Variants in ANKRD28 observed in about 807,000 individuals in gnomAD.
ANKRD28 encodes the protein ankyrin repeat domain 28, also known as serine/threonine-protein phosphatase 6 regulatory ankyrin repeat subunit A.
In ANKRD28, 44 loss-of-function variants were observed where a neutral mutation model predicts 126.5. The ratio of observed to expected loss-of-function variants is 0.35; its 90% CI spans 0.27 to 0.45. ANKRD28 has a LOEUF of 0.45. ANKRD28 is among the 20% of genes least tolerant of loss of function. The pLI, the probability that ANKRD28 is intolerant of heterozygous loss-of-function variation, is 1.00. For missense variants in ANKRD28, 1,110 were observed against 1,316.6 expected (o/e 0.84, Z 2.43); for synonymous variants, 442 against 468.5 (o/e 0.94, Z 0.73).
chr3:15,741,791 A>G (rs550525676), intron 4 of ANKRD28, among the ~76,000 whole-genome samples: 1 of 133,724 alleles, frequency 7.5e-6, no homozygotes, highest in Non-Finnish European at 1.5e-5. Flanking sequence ...AGGGCTTAAC[A>G]TATTTGCAGG....
intron 8 of ANKRD28, among the ~76,000 whole-genome samples, chr3:15,716,450 C>A (rs1445109517): frequency 6.6e-6 from 1 of 151,776 alleles, no homozygotes; most frequent in Non-Finnish European, 1.5e-5. Flanking sequence ...TAACATTACA[C>A]CTGGCTAATT....
At chr3:15,672,455 T>C (rs1035311115) in intron 27 of ANKRD28, among the ~76,000 whole-genome samples, 1 of 152,172 alleles carries the variant, frequency 6.6e-6, no homozygotes, top group African/African-American at 2.4e-5. Flanking sequence ...AAAAGTAATT[T>C]TTCCCCCTTT....
chr3:15,781,878 A>T (rs2059554190), intron 2 of ANKRD28, among the ~76,000 whole-genome samples: 2 of 152,120 alleles, frequency 1.3e-5, no homozygotes, highest in African/African-American at 4.8e-5. Flanking sequence ...TAGTACATGG[A>T]GAGACTCCCA....
At chr3:15,801,943 TAATA>T (rs1395845883), upstream of ANKRD28, among the ~76,000 whole-genome samples, 1 of 152,230 alleles carries the variant, frequency 6.6e-6, no homozygotes, top group Non-Finnish European at 1.5e-5. This position sits in a 1 kb window ranked among gnomAD's most constrained non-coding sequence, Gnocchi z 4.9. Flanking sequence ...ACATTCGTAA[TAATA>T]AATTGTTAAC....
chr3:15,718,929 C>T (rs2073388089), intron 8 of ANKRD28, among the ~76,000 whole-genome samples: 1 of 152,158 alleles, frequency 6.6e-6, no homozygotes, highest in Admixed American at 6.5e-5. Context: ...TTTCTCCTCA[C>T]AACTGTCTAG....
chr3:15,699,624 A>G (rs542861618), intron 14 of ANKRD28, among the ~76,000 whole-genome samples: 73 of 152,162 alleles, frequency 4.8e-4, no homozygotes, highest in African/African-American at 1.7e-3. Flanking sequence ...GCCAATAGAC[A>G]TACAAAAAAA....
At chr3:15,714,142 T>G (rs1029557643) in intron 9 of ANKRD28, among the ~76,000 whole-genome samples, 1 of 152,140 alleles carries the variant, frequency 6.6e-6, no homozygotes, top group Admixed American at 6.6e-5. Context: ...GATTTAAAAG[T>G]TTAGCTTGCC....
intron 2 of ANKRD28, among the ~76,000 whole-genome samples, chr3:15,767,589 C>T (rs2058799894): frequency 6.6e-6 from 1 of 151,500 alleles, no homozygotes; most frequent in East Asian, 1.9e-4. Flanking sequence ...AGGCTGGGCA[C>T]AGTGGCTCAC....
chr3:15,768,051 T>G (rs954014150), intron 2 of ANKRD28, among the ~76,000 whole-genome samples: 1 of 152,142 alleles, frequency 6.6e-6, no homozygotes, highest in South Asian at 2.1e-4. Flanking sequence ...CAACAAGATC[T>G]GGAATAAATA....
intron 5 of ANKRD28, 66 bp downstream of exon 5, chr3:15,736,967 G>A: frequency 6.5e-7 from 1 of 1,527,750 alleles, no homozygotes; most frequent in Non-Finnish European, 9.0e-7. Flanking sequence ...AAAAATGCAA[G>A]TTCTTTAATA....
Position 15,797,631 on chromosome 3 carries a change from A to G in ANKRD28, c.-1110T>C, listed in dbSNP as rs2060337663. The G allele has an allele frequency of 2.0e-6, 2 of 985,322 alleles. No individual in the cohort carries two copies. The highest frequency in any genetic ancestry group is 2.4e-6 in the Non-Finnish European group (2 of 829,918). The allele number at this position is 985,322 out of a possible 1,614,324, so 61.0% of individuals were successfully genotyped here. Reference sequence around the variant, plus strand: ...TTTCCTTTGATCTCCACATGAATACAGCTTCCATTAAACAGTCTTCATTCA... The same window carrying G: ...TTTCCTTTGATCTCCACATGAATACGGCTTCCATTAAACAGTCTTCATTCA... On this transcript the variant is annotated 5_prime_UTR_variant, in exon 1 of 28. Coordinates refer to ENST00000683139, the MANE Select transcript of ANKRD28 (RefSeq NM_001349278.2).
intron 21 of ANKRD28, among the ~76,000 whole-genome samples, chr3:15,681,046 C>T (rs1233144697): frequency 1.2e-4 from 19 of 152,046 alleles, no homozygotes; most frequent in Admixed American, 1.2e-3. Context: ...GAGAAGTATC[C>T]AGCCTTGGTA....
intron 3 of ANKRD28, among the ~76,000 whole-genome samples, chr3:15,759,693 C>A (rs7647387): frequency 0.051 from 7,740 of 152,196 alleles, 654 homozygotes; most frequent in African/African-American, 0.17. Flanking sequence ...ACAGTTACAA[C>A]CACAAACCAA....
intron 14 of ANKRD28, 48 bp downstream of exon 14, chr3:15,707,876 C>T (rs376368736): frequency 3.2e-5 from 51 of 1,570,100 alleles, no homozygotes; most frequent in Middle Eastern, 1.7e-4. Flanking sequence ...TGGAAGATGC[C>T]AGTTTATAGA....
chr3:15,856,807 C>T (rs2061777863), intron 1 of ANKRD28, among the ~76,000 whole-genome samples: 1 of 152,142 alleles, frequency 6.6e-6, no homozygotes, highest in Non-Finnish European at 1.5e-5. Flanking sequence ...GAAAAACAAC[C>T]CTTTTGCATT....
At position 15,668,501 on chromosome 3, in the gene ANKRD28, T is replaced by C. The variant is rs2066095882; in HGVS notation, c.*1769A>G. 1 of 152,538 alleles carries C rather than the reference T, an allele frequency of 6.6e-6. No homozygotes were observed. Among genetic ancestry groups the C allele is most frequent in the African/African-American group, 2.4e-5 (1 of 41,410 alleles). The allele number at this position is 152,538 out of a possible 1,614,324, so 9.4% of individuals were successfully genotyped here. A position where few individuals can be genotyped will look rare whatever the true frequency, so the allele number is the denominator to read the frequency against. ...AAAGATGGGGGATTAGATTTATAAT[T>C]TCTGTAAATATTTTAGAAAAAATGC... On this transcript the variant is annotated 3_prime_UTR_variant, in exon 28 of 28. Coordinates refer to ENST00000683139, the MANE Select transcript of ANKRD28 (RefSeq NM_001349278.2).
chr3:15,673,272 C>T (rs928758290), intron 27 of ANKRD28, among the ~76,000 whole-genome samples: 28 of 152,336 alleles, frequency 1.8e-4, no homozygotes, highest in African/African-American at 6.0e-4. Flanking sequence ...TTAAGTGCAT[C>T]GTTAATAGGC....
At chr3:15,840,430 A>G (rs1377115190) in intron 1 of ANKRD28, among the ~76,000 whole-genome samples, 1 of 152,244 alleles carries the variant, frequency 6.6e-6, no homozygotes, top group Non-Finnish European at 1.5e-5. Context: ...CATGGATTGG[A>G]AGAATCAATA....
intron 7 of ANKRD28, 108 bp from the exon 8 acceptor site, chr3:15,721,235 C>A (rs567443952): frequency 5.6e-6 from 5 of 894,224 alleles, no homozygotes; most frequent in Non-Finnish European, 8.7e-6. Context: ...AAGTGAGAAA[C>A]GGAGACAAGA....
Sources: gnomAD v4.1 joint callset for allele counts (sites outside exome capture counted in the v4.1 genomes callset) on GRCh38, gnomAD v4.1.1 for gene constraint, Gnocchi (gnomAD v3.1) non-coding constraint, MANE v1.5 for transcripts, NCBI Gene and HGNC (gene_info 2026-07-23, HGNC 2026-07-21) for gene names.